Variants in TRIM41 observed in about 807,000 individuals in gnomAD.
TRIM41 encodes the protein E3 ubiquitin-protein ligase TRIM41.
A neutral mutation model predicts 60.6 loss-of-function variants in TRIM41; 21 were observed. The ratio of observed to expected loss-of-function variants is 0.35; its 90% CI spans 0.25 to 0.50. TRIM41 has a LOEUF of 0.50. Among genes scored for constraint, TRIM41 ranks in the 20% least tolerant of loss-of-function variants. The pLI is 0.98. For synonymous variants in TRIM41, 407 were observed against 344.9 expected (o/e 1.18, Z -2.00); for missense variants, 846 against 868.3 (o/e 0.97, Z 0.32).
At position 181,234,600 on chromosome 5, in the gene TRIM41, G is replaced by C. The variant is rs900950901; in HGVS notation, c.1718G>C (p.Ser573Thr). 1.2e-6 allele frequency: 2 copies of C among 1,614,234 alleles called. No individual in the cohort carries two copies. The highest frequency in any genetic ancestry group is 1.7e-6 in the Non-Finnish European group (2 of 1,180,040). ...ACAGAACAGACGCTGCTGAGCCCCA[G>C]TGAGAAACCAAGGCGCTTTGGTGTG... Reference protein sequence around the residue: ...SSTEQTLLSPSEKPRRFGVYL... With the variant: ...SSTEQTLLSPTEKPRRFGVYL... Residue 573 changes from serine (S) to threonine (T), a missense_variant, in exon 6 of 6, where the codon AGT (serine) becomes ACT (threonine). Coordinates refer to ENST00000315073, the MANE Select transcript of TRIM41 (RefSeq NM_033549.5). This position sits in a 1 kb window ranked among gnomAD's most constrained non-coding sequence, Gnocchi z 5.6.
chr5:181,234,918 G>C lies in TRIM41; in HGVS notation c.*143G>C, dbSNP rs755425385. 3 of 1,613,434 alleles carry C rather than the reference G, an allele frequency of 1.9e-6. No homozygotes were observed. Among genetic ancestry groups the C allele is most frequent in the Non-Finnish European group, 2.5e-6 (3 of 1,179,988 alleles). On this transcript the variant is annotated 3_prime_UTR_variant, in exon 6 of 6. Coordinates refer to ENST00000315073, the MANE Select transcript of TRIM41 (RefSeq NM_033549.5). The surrounding 1 kb of genome is among the most constrained non-coding windows in gnomAD (Gnocchi z 5.6). The stretch of plus-strand genomic sequence containing the variant: ...CACTCCCCCTTGACCCCAGGCCCCT[G>C]CTTCTCCCTCTAGGAGCCTAAAGAA...
Position 181,230,782 on chromosome 5 carries a change from C to T in TRIM41, c.852C>T (p.His284=), listed in dbSNP as rs895143741. ...LQGHVEPLRK[H]LEAVQKMKAK... ...GGCACGTGGAACCACTGAGGAAGCA[C>T]CTGGAGGCAGTGCAGAAGATGAAAG... is the stretch of plus-strand genomic sequence containing the variant. Residue 284 remains histidine (H), a synonymous_variant, in exon 2 of 6, where the codon CAC becomes CAT. Coordinates refer to ENST00000315073, the MANE Select transcript of TRIM41 (RefSeq NM_033549.5). 2.5e-6 allele frequency: 4 copies of T among 1,613,196 alleles called. No individual in the cohort carries two copies. Among genetic ancestry groups the T allele is most frequent in the Non-Finnish European group, 2.5e-6 (3 of 1,179,540 alleles).
chr5:181,233,418 C>G lies in TRIM41; in HGVS notation c.1146C>G (p.Ile382Met). The G allele has an allele frequency of 6.2e-7, 1 of 1,614,120 alleles. No individual in the cohort carries two copies. Among genetic ancestry groups the G allele is most frequent in the Non-Finnish European group, 8.5e-7 (1 of 1,180,012 alleles). Residue 382 changes from isoleucine to methionine, a missense_variant, in exon 4 of 6, where the codon ATC (isoleucine) becomes ATG (methionine). Physicochemically the swap from Ile to Met is conservative, Grantham distance 10. Transcript: ENST00000315073. The surrounding 1 kb of genome is among the most constrained non-coding windows in gnomAD (Gnocchi z 4.1). Reference sequence around the variant, plus strand: ...TTTGTTTCTCTTATTCCCAGGACATCAAGGAGACTTTCAATAGGTGTGTTC... The same window carrying G: ...TTTGTTTCTCTTATTCCCAGGACATGAAGGAGACTTTCAATAGGTGTGTTC... ...QQGGLRLLQD[I>M]KETFNRCEEV...
Position 181,235,064 on chromosome 5 carries a change from T to TG in TRIM41, c.*292dup. ...TCTCCCAGTCTGCCTAGCCCAGCCC[T>TG]GGGACTGGAATTTGAGTAGGGGATG... On this transcript the variant is annotated 3_prime_UTR_variant, in exon 6 of 6. Transcript: ENST00000315073. 6.2e-7 allele frequency: 1 copy of TG among 1,612,026 alleles called. No individual in the cohort carries two copies. The highest frequency in any genetic ancestry group is 8.5e-7 in the Non-Finnish European group (1 of 1,179,432).
chr5:181,228,895 C>T (rs918230872), intron 1 of TRIM41: 1 of 131,596 alleles, frequency 7.6e-6, no homozygotes, highest in African/African-American at 3.1e-5. Flanking sequence ...GATGGCACTG[C>T]TGCACTCCAT....
At position 181,224,039 on chromosome 5, in the gene TRIM41, C is replaced by T; in HGVS notation, c.40C>T (p.Leu14Phe). The T allele has an allele frequency of 6.2e-7, 1 of 1,614,208 alleles. No individual in the cohort carries two copies. Among genetic ancestry groups the T allele is most frequent in the South Asian group, 1.1e-5 (1 of 91,084 alleles). The part of the protein sequence containing the change: ...VAMTPNPVQT[L>F]QEEAVCAICL... ...CATGACACCCAACCCTGTGCAGACC[C>T]TTCAGGAGGAGGCGGTGTGCGCCAT... Residue 14 changes from leucine (L) to phenylalanine (F), a missense_variant, in exon 1 of 6, where the codon CTT becomes TTT. Transcript: ENST00000315073.
intron 1 of TRIM41, chr5:181,227,058 AG>A (rs1267657783): frequency 6.6e-6 from 1 of 151,758 alleles, no homozygotes; most frequent in Non-Finnish European, 1.5e-5. Flanking sequence ...TTTTTAGTAG[AG>A]ACGGGATTTC....
chr5:181,232,993 C>T, intron 3 of TRIM41, 104 bp downstream of exon 3: 1 of 1,187,818 alleles, frequency 8.4e-7, no homozygotes, highest in South Asian at 1.3e-5. Flanking sequence ...CTGGGAGGAA[C>T]CCACAGTGAT....
In TRIM41 at chr5:181,235,168, G is replaced by C; in HGVS notation, c.*393G>C. On this transcript the variant is annotated 3_prime_UTR_variant, in exon 6 of 6. Transcript: ENST00000315073. ...AACCTCTTTATCAGTTCTGAGGCTG[G>C]AGGGTTTGGGCAAGGCAACATCCCC... 1 of 1,536,168 alleles carries C rather than the reference G, an allele frequency of 6.5e-7. No individual in the cohort carries two copies. Among genetic ancestry groups the C allele is most frequent in the Non-Finnish European group, 8.8e-7 (1 of 1,139,076 alleles).
chr5:181,226,452 G>A (rs917677716), intron 1 of TRIM41: 2 of 152,134 alleles, frequency 1.3e-5, no homozygotes, highest in African/African-American at 4.8e-5. Context: ...ACTAGGGGAG[G>A]TTTTCAAAAA....
Position 181,235,697 on chromosome 5 carries a change from C to T in TRIM41, c.*922C>T, listed in dbSNP as rs1294394957. 5.5e-6 allele frequency: 2 copies of T among 363,112 alleles called. No individual in the cohort carries two copies. The highest frequency in any genetic ancestry group is 1.0e-5 in the Non-Finnish European group (2 of 194,806). The allele number at this position is 363,112 out of a possible 1,614,324, so 22.5% of individuals were successfully genotyped here. ...GTATAATCTATTTTTCTAGGAGCCT[C>T]TTGCCTTGTCACTTGCAGCTTTCGC... On this transcript the variant is annotated 3_prime_UTR_variant, in exon 6 of 6. Transcript: ENST00000315073.
rs1188130492 is a variant in TRIM41, at chr5:181,230,808, C to G, written c.878C>G (p.Ala293Gly). 1 of 1,613,026 alleles carries G rather than the reference C, an allele frequency of 6.2e-7. No homozygotes were observed. Among genetic ancestry groups the G allele is most frequent in the Admixed American group, 1.7e-5 (1 of 59,974 alleles). Residue 293 changes from alanine to glycine, a missense_variant, in exon 2 of 6, where the codon GCC (alanine) becomes GGC (glycine). Physicochemically the swap from Ala to Gly is moderately conservative, Grantham distance 60. Coordinates refer to ENST00000315073, the MANE Select transcript of TRIM41 (RefSeq NM_033549.5). ...CTGGAGGCAGTGCAGAAGATGAAAGCCAAGGAGGAGAGGCGAGTGACAGAA... is the reference window on the plus strand; with the variant it reads ...CTGGAGGCAGTGCAGAAGATGAAAGGCAAGGAGGAGAGGCGAGTGACAGAA... ...KHLEAVQKMKAKEERRVTELK... is the reference protein window; with the variant it reads ...KHLEAVQKMKGKEERRVTELK...
At position 181,233,386 on chromosome 5, in the gene TRIM41, C is replaced by G; in HGVS notation, c.1141-27C>G. 1 of 1,610,878 alleles carries G rather than the reference C, an allele frequency of 6.2e-7. No homozygotes were observed. The highest frequency in any genetic ancestry group is 8.5e-7 in the Non-Finnish European group (1 of 1,177,376). On this transcript the variant is annotated intron_variant, in intron 3 of 5. Transcript: ENST00000315073. The surrounding 1 kb of genome is among the most constrained non-coding windows in gnomAD (Gnocchi z 4.1). ...ACTCTCTTTATCTCTTTCTCCCTCT[C>G]CCTCTTTTTGTTTCTCTTATTCCCA...
intron 2 of TRIM41, chr5:181,231,472 C>G (rs1182295409): frequency 1.3e-5 from 2 of 152,498 alleles, no homozygotes; most frequent in African/African-American, 4.8e-5. Flanking sequence ...GCAGGTCCTG[C>G]TGGGATGGGC....
At position 181,230,711 on chromosome 5, in the gene TRIM41, C is replaced by T. The variant is rs11949220; in HGVS notation, c.814-33C>T. ...AGGCTCTGAAGGGCAGGTGCCTCTCCCAGCCCCCACTTTTCTTTTTCTGTT... is the reference window on the plus strand; with the variant it reads ...AGGCTCTGAAGGGCAGGTGCCTCTCTCAGCCCCCACTTTTCTTTTTCTGTT... On this transcript the variant is annotated intron_variant, in intron 1 of 5. Coordinates refer to ENST00000315073, the MANE Select transcript of TRIM41 (RefSeq NM_033549.5). 2.4e-3 allele frequency: 3,853 copies of T among 1,593,756 alleles called. 87 individuals are homozygous for T. In the African/African-American group the frequency reaches 0.047, roughly 19 times the overall value.
rs772623258 is a variant in TRIM41, at chr5:181,224,768, C to G, written c.769C>G (p.Gln257Glu). 2 of 1,614,182 alleles carry G rather than the reference C, an allele frequency of 1.2e-6. No homozygotes were observed. The highest frequency in any genetic ancestry group is 2.2e-5 in the East Asian group (1 of 44,880). The change falls in exon 1 of 6, where the codon CAG becomes GAG. Residue 257 changes from glutamine (Q) to glutamate (E), a missense_variant. Transcript: ENST00000315073. ...GTGCCGAGAATCCAGGAGCCACAAA[C>G]AGCACAGCGTGGTGCCATTGGAGGA... is the stretch of plus-strand genomic sequence containing the variant. The part of the protein sequence containing the change: ...VVCRESRSHK[Q>E]HSVVPLEEVV...
intron 1 of TRIM41, 156 bp downstream of exon 1, chr5:181,224,968 G>T (rs1758484784): frequency 3.4e-6 from 3 of 875,688 alleles, no homozygotes; most frequent in Non-Finnish European, 5.3e-6. Context: ...CACCAAGGTG[G>T]ATTAGAATGA....
At chr5:181,229,571 C>G (rs1170117833) in intron 1 of TRIM41, 1 of 152,160 alleles carries the variant, frequency 6.6e-6, no homozygotes, top group African/African-American at 2.4e-5. Flanking sequence ...ACAGTTACAA[C>G]CTTTGGAAGA....
chr5:181,233,863 A>T lies in TRIM41; in HGVS notation c.1291+100A>T, dbSNP rs953895790. On this transcript the variant is annotated intron_variant, in intron 5 of 5. Coordinates refer to ENST00000315073, the MANE Select transcript of TRIM41 (RefSeq NM_033549.5). This position sits in a 1 kb window ranked among gnomAD's most constrained non-coding sequence, Gnocchi z 4.1. The stretch of plus-strand genomic sequence containing the variant: ...GGCCCCAGGGAAACTGTGGGGCTTG[A>T]GATGGAGCAGGATCCAGGCAGCCAC... The T allele has an allele frequency of 6.4e-7, 1 of 1,557,882 alleles. No homozygotes were observed. The highest frequency in any genetic ancestry group is 8.8e-7 in the Non-Finnish European group (1 of 1,141,050).
Sources: allele counts gnomAD v4.1 joint callset, GRCh38; gene constraint gnomAD v4.1.1; non-coding constraint Gnocchi (gnomAD v3.1); transcripts MANE v1.5; gene names NCBI Gene and HGNC (gene_info 2026-07-23, HGNC 2026-07-21).